The following TBC1D4 variants were observed in gnomAD, a reference collection of about 807,000 sequenced individuals.
TBC1D4 encodes TBC1 domain family member 4.
Under a neutral mutation model 142.5 loss-of-function variants are expected in TBC1D4, and 121 were observed. The observed-to-expected ratio is 0.85, with a 90% CI of 0.73 to 0.99. The LOEUF (loss-of-function observed/expected upper bound fraction) is 0.99. Ranked by LOEUF, TBC1D4 falls within the 50% of genes least tolerant of loss-of-function variation. TBC1D4 has a pLI of 0.00. For missense variants in TBC1D4, 1,475 were observed against 1,606.6 expected, an observed-to-expected ratio of 0.92 and a Z score of 1.40; for synonymous variants, 630 against 628.2, an observed-to-expected ratio of 1.00 and a Z score of -0.04.
At chr13:75,420,365 A>AG (rs1486521203) in intron 1 of TBC1D4, among the ~76,000 whole-genome samples, 6 of 152,266 alleles carry the variant, frequency 3.9e-5, no homozygotes, top group Non-Finnish European at 8.8e-5. Context: ...ACAAAAAAAA[A>AG]GTGAATGTAT....
chr13:75,432,231 C>T (rs964933936), intron 1 of TBC1D4, among the ~76,000 whole-genome samples: 1 of 152,064 alleles, frequency 6.6e-6, no homozygotes, highest in East Asian at 1.9e-4. Flanking sequence ...CAGGGAAAAG[C>T]TCCACTTGAT....
intron 1 of TBC1D4, among the ~76,000 whole-genome samples, chr13:75,411,110 A>G (rs1044898021): frequency 2.6e-5 from 4 of 152,156 alleles, no homozygotes; most frequent in Admixed American, 2.6e-4. Flanking sequence ...ATATTTTCCA[A>G]CAAATGGTTT....
At chr13:75,477,630 G>A (rs1888674029) in intron 1 of TBC1D4, among the ~76,000 whole-genome samples, 3 of 152,298 alleles carry the variant, frequency 2.0e-5, no homozygotes, top group Middle Eastern at 3.4e-3. Flanking sequence ...TTGTAGTAAT[G>A]TATGTATAAC....
At chr13:75,288,645 T>C (rs1482362354) in intron 20 of TBC1D4, among the ~76,000 whole-genome samples, 2 of 152,170 alleles carry the variant, frequency 1.3e-5, no homozygotes, top group Admixed American at 6.6e-5. Flanking sequence ...ATTTCCTACA[T>C]TCAATTCCTC....
chr13:75,440,416 G>GGAAA (rs1886987360), intron 1 of TBC1D4, among the ~76,000 whole-genome samples: 1 of 151,738 alleles, frequency 6.6e-6, no homozygotes, highest in Non-Finnish European at 1.5e-5. Flanking sequence ...AATTGACACA[G>GGAAA]TTAAATTTTA....
Position 75,439,745 on chromosome 13 carries a change from T to C in TBC1D4, c.498+41525A>G, listed in dbSNP as rs59357784. Among the ~76,000 whole-genome samples, 25 of 151,850 alleles carry C rather than the reference T, an allele frequency of 1.6e-4. No homozygotes were observed. In the East Asian group the frequency reaches 4.7e-3, roughly 28 times the overall value. ...TGAAACCCCGTCTCTACTACAAAAA[T>C]ACAAAAATTAGCCAGGCATGGTGGC... On this transcript the variant is annotated intron_variant, in intron 1 of 20. Coordinates refer to ENST00000377636, the MANE Select transcript of TBC1D4 (RefSeq NM_014832.5).
intron 1 of TBC1D4, among the ~76,000 whole-genome samples, chr13:75,430,802 T>C (rs1382487868): frequency 6.6e-6 from 1 of 152,194 alleles, no homozygotes; most frequent in African/African-American, 2.4e-5. Context: ...CACTTCACTC[T>C]CTCTCCATCC....
At chr13:75,331,330 C>CA (rs34235126) in intron 8 of TBC1D4, among the ~76,000 whole-genome samples, 69 of 149,038 alleles carry the variant, frequency 4.6e-4, no homozygotes, top group Admixed American at 6.7e-4. Context: ...CCTGTCTGTA[C>CA]AAAAAAAAAT....
At chr13:75,389,407 T>C (rs941033733) in intron 1 of TBC1D4, among the ~76,000 whole-genome samples, 6 of 152,234 alleles carry the variant, frequency 3.9e-5, no homozygotes, top group Admixed American at 2.0e-4. Flanking sequence ...AACCACATCT[T>C]TTTTCTGTGT....
intron 1 of TBC1D4, among the ~76,000 whole-genome samples, chr13:75,412,611 C>T (rs1018330544): frequency 1.3e-5 from 2 of 152,076 alleles, no homozygotes; most frequent in African/African-American, 4.8e-5. Context: ...AGCTAAAATA[C>T]CTTTTTACCG....
chr13:75,474,387 G>A (rs1298292936), intron 1 of TBC1D4, among the ~76,000 whole-genome samples: 6 of 152,082 alleles, frequency 3.9e-5, no homozygotes, highest in African/African-American at 1.2e-4. Flanking sequence ...GTGAAACCCC[G>A]TCTCTACCAA....
At chr13:75,413,411 C>T (rs187804699) in intron 1 of TBC1D4, among the ~76,000 whole-genome samples, 4 of 152,296 alleles carry the variant, frequency 2.6e-5, no homozygotes, top group African/African-American at 9.6e-5. Context: ...CTGCCTGCCT[C>T]GGTCTCCCAA....
chr13:75,437,248 C>T (rs754601519), intron 1 of TBC1D4, among the ~76,000 whole-genome samples: 55 of 152,122 alleles, frequency 3.6e-4, no homozygotes, highest in African/African-American at 1.3e-3. Flanking sequence ...TATGGTAGCA[C>T]GGTGGTTATC....
At chr13:75,333,045 A>C (rs910899637) in intron 8 of TBC1D4, among the ~76,000 whole-genome samples, 7 of 152,248 alleles carry the variant, frequency 4.6e-5, no homozygotes, top group African/African-American at 1.7e-4. Flanking sequence ...AATAGAGTTC[A>C]ATGGTTAATT....
chr13:75,287,283 A>G (rs1212602800), intron 20 of TBC1D4, among the ~76,000 whole-genome samples: 2 of 152,276 alleles, frequency 1.3e-5, no homozygotes, highest in East Asian at 3.9e-4. Context: ...AGGAATCCTT[A>G]TTCTACACCC....
chr13:75,409,609 T>G (rs1885504513), intron 1 of TBC1D4, among the ~76,000 whole-genome samples: 1 of 152,338 alleles, frequency 6.6e-6, no homozygotes, highest in Non-Finnish European at 1.5e-5. Flanking sequence ...CACAGTTTGA[T>G]GCAGATTGAC....
Position 75,286,606 on chromosome 13 carries a change from A to C in TBC1D4, c.*186T>G. On this transcript the variant is annotated 3_prime_UTR_variant, in exon 21 of 21. Coordinates refer to ENST00000377636, the MANE Select transcript of TBC1D4 (RefSeq NM_014832.5). The stretch of plus-strand genomic sequence containing the variant: ...AGCAACAACAAAAACCAGTCTACAT[A>C]TGTCCAATGGCTTAGGATTGGCATG... The C allele has an allele frequency of 1.6e-6, 1 of 622,732 alleles. No homozygotes were observed. Among genetic ancestry groups the C allele is most frequent in the Non-Finnish European group, 2.9e-6 (1 of 349,900 alleles). The allele number at this position is 622,732 out of a possible 1,614,324, so 38.6% of individuals were successfully genotyped here.
intron 15 of TBC1D4, among the ~76,000 whole-genome samples, chr13:75,304,857 T>C (rs1206536021): frequency 6.6e-6 from 1 of 152,092 alleles, no homozygotes; most frequent in Non-Finnish European, 1.5e-5. Context: ...GCAAAGGACA[T>C]ATCAGTGCTC....
intron 1 of TBC1D4, among the ~76,000 whole-genome samples, chr13:75,469,318 G>A (rs1888298655): frequency 6.6e-6 from 1 of 152,128 alleles, no homozygotes; most frequent in African/African-American, 2.4e-5. Context: ...GATCTGGCTC[G>A]TATTTTACCT....
Sources: allele counts gnomAD v4.1 joint callset (sites outside exome capture counted in the v4.1 genomes callset), GRCh38; gene constraint gnomAD v4.1.1; transcripts MANE v1.5; gene names NCBI Gene and HGNC (gene_info 2026-07-23, HGNC 2026-07-21).